SFSWAP: variants seen among roughly 807,000 people sequenced by gnomAD.
The protein encoded by SFSWAP is splicing factor, suppressor of white-apricot homolog.
In SFSWAP, 17 loss-of-function variants were observed where a neutral mutation model predicts 100.7. That is an observed-to-expected ratio of 0.17 (90% CI 0.12 to 0.25). The LOEUF is 0.25. Among genes scored for constraint, SFSWAP ranks in the 10% least tolerant of loss-of-function variants. The pLI, the probability that SFSWAP is intolerant of heterozygous loss-of-function variation, is 1.00. For missense variants in SFSWAP, 1,005 were observed against 1,262.6 expected (o/e 0.80, Z 3.09); for synonymous variants, 504 against 510.1 (o/e 0.99, Z 0.16).
At position 131,775,164 on chromosome 12, in the gene SFSWAP, G is replaced by A. The variant is rs559269133; in HGVS notation, c.2143-2901G>A. On this transcript the variant is annotated intron_variant, in intron 13 of 17. Transcript: ENST00000261674. ...CCAAATTAGTGCAGTGATTTTGTGA[G>A]CGTGGAGAGAGTAAATGAGGAGAGT... Among the ~76,000 whole-genome samples the A allele has an allele frequency of 1.3e-4, 20 of 152,324 alleles. 1 individual carries two copies. The South Asian group carries it at 4.1e-3, about 32-fold the overall frequency.
chr12:131,751,570 T>C (rs1316654934), intron 7 of SFSWAP, among the ~76,000 whole-genome samples: 1 of 152,270 alleles, frequency 6.6e-6, no homozygotes, highest in East Asian at 1.9e-4. Context: ...GCCTGATGGC[T>C]CCAGCAGGGA....
intron 11 of SFSWAP, 87 bp downstream of exon 11, chr12:131,756,731 T>C (rs1882210049): frequency 1.6e-6 from 2 of 1,234,180 alleles, no homozygotes; most frequent in Admixed American, 2.9e-5. Context: ...CTCAGCGCCC[T>C]CACCTGCAGG....
intron 4 of SFSWAP, 39 bp downstream of exon 4, chr12:131,719,578 A>T: frequency 6.9e-7 from 1 of 1,440,670 alleles, no homozygotes; most frequent in Non-Finnish European, 9.8e-7. Context: ...CGTCATTATT[A>T]TTTATCATAA....
chr12:131,728,526 A>G (rs1411512606), intron 7 of SFSWAP, 98 bp downstream of exon 7: 12 of 1,365,476 alleles, frequency 8.8e-6, no homozygotes, highest in Non-Finnish European at 1.2e-5. Context: ...CTCCAAGTGT[A>G]ACAAGTATGG....
intron 17 of SFSWAP, 42 bp from the exon 18 acceptor site, chr12:131,799,381 C>A: frequency 6.3e-7 from 1 of 1,595,622 alleles, no homozygotes; most frequent in Non-Finnish European, 8.6e-7. Flanking sequence ...GGTTGTCTGG[C>A]CAGGTCTTCA....
chr12:131,728,648 A>G (rs1879216951), intron 7 of SFSWAP, among the ~76,000 whole-genome samples: 1 of 151,456 alleles, frequency 6.6e-6, no homozygotes, highest in Non-Finnish European at 1.5e-5. Context: ...TTAGCTGTGC[A>G]TTCCAGGAAG....
At chr12:131,716,034 A>G (rs1566000442) in intron 3 of SFSWAP, among the ~76,000 whole-genome samples, 1 of 152,208 alleles carries the variant, frequency 6.6e-6, no homozygotes. Context: ...TGAAGCAATT[A>G]TAGCACTTTA....
chr12:131,759,566 G>C (rs1018586975), intron 11 of SFSWAP, among the ~76,000 whole-genome samples: 2 of 152,032 alleles, frequency 1.3e-5, no homozygotes, highest in Non-Finnish European at 2.9e-5. Flanking sequence ...TTGGGAGGCC[G>C]AGGCGGGTGG....
At chr12:131,779,642 T>C (rs569277461) in intron 14 of SFSWAP, among the ~76,000 whole-genome samples, 2 of 152,346 alleles carry the variant, frequency 1.3e-5, no homozygotes, top group Admixed American at 6.5e-5. Flanking sequence ...TCTTCTGGAA[T>C]TGGTGTTAGC....
At position 131,764,512 on chromosome 12, in the gene SFSWAP, C is replaced by T. The variant is rs1445931886; in HGVS notation, c.1777C>T (p.Leu593=). 6.2e-7 allele frequency: 1 copy of T among 1,614,186 alleles called. No individual in the cohort carries two copies. The highest frequency in any genetic ancestry group is 1.7e-5 in the Admixed American group (1 of 60,016). The change falls in exon 12 of 18, where the codon CTG becomes TTG. Residue 593 remains leucine (L), a synonymous_variant. Coordinates refer to ENST00000261674, the MANE Select transcript of SFSWAP (RefSeq NM_004592.4). Reference sequence around the variant, plus strand: ...GGCCAAAGAAAATGATCTGCTTCCCCTGGAAAAAAATCGTGTTAAGCTAGA... The same window carrying T: ...GGCCAAAGAAAATGATCTGCTTCCCTTGGAAAAAAATCGTGTTAAGCTAGA... ...IKAKENDLLP[L]EKNRVKLDDD... is the part of the protein sequence containing the mutation.
At position 131,794,617 on chromosome 12, in the gene SFSWAP, G is replaced by A. The variant is rs542695051; in HGVS notation, c.2535-2561G>A. ...GTTTGTCTACATAGAGCTTTAAGCT[G>A]TGTCCTAGAAACCAGAGCAGTGGGG... On this transcript the variant is annotated intron_variant, in intron 15 of 17. Transcript: ENST00000261674. This position sits in a 1 kb window ranked among gnomAD's most constrained non-coding sequence, Gnocchi z 4.8. Among the ~76,000 whole-genome samples the A allele has an allele frequency of 1.3e-5, 2 of 152,324 alleles. No homozygotes were observed. The highest frequency in any genetic ancestry group is 3.9e-4 in the East Asian group (2 of 5,190).
intron 13 of SFSWAP, among the ~76,000 whole-genome samples, chr12:131,769,385 A>G (rs1039472095): frequency 6.6e-6 from 1 of 152,186 alleles, no homozygotes; most frequent in African/African-American, 2.4e-5. Flanking sequence ...TGCAGCGGGT[A>G]AAGGGGTTAA....
rs1879785229 is a variant in SFSWAP, at chr12:131,734,191, C to T, written c.1081+5763C>T. Reference sequence around the variant, plus strand: ...GAGCGTGTTCATCGCTGGCTCCTGCCGCCCTCGAGGACTTGAAGGCTGACG... The same window carrying T: ...GAGCGTGTTCATCGCTGGCTCCTGCTGCCCTCGAGGACTTGAAGGCTGACG... On this transcript the variant is annotated intron_variant, in intron 7 of 17. Coordinates refer to ENST00000261674, the MANE Select transcript of SFSWAP (RefSeq NM_004592.4). This position sits in a 1 kb window ranked among gnomAD's most constrained non-coding sequence, Gnocchi z 4.9. Among the ~76,000 whole-genome samples the T allele has an allele frequency of 2.0e-5, 3 of 152,208 alleles. No individual in the cohort carries two copies. Among genetic ancestry groups the T allele is most frequent in the Non-Finnish European group, 4.4e-5 (3 of 68,032 alleles).
chr12:131,722,976 T>G (rs1479908274), intron 4 of SFSWAP, among the ~76,000 whole-genome samples: 1 of 152,022 alleles, frequency 6.6e-6, no homozygotes, highest in Non-Finnish European at 1.5e-5. Flanking sequence ...AAAATAACTC[T>G]ATGAAGCAAA....
intron 7 of SFSWAP, among the ~76,000 whole-genome samples, chr12:131,743,848 C>T (rs1466449053): frequency 1.3e-5 from 2 of 152,258 alleles, no homozygotes; most frequent in Non-Finnish European, 2.9e-5. Flanking sequence ...TCCATACATC[C>T]TGTGAAATCT....
chr12:131,764,316 T>TC (rs1243051645), intron 11 of SFSWAP, 140 bp from the exon 12 acceptor site: 2 of 665,078 alleles, frequency 3.0e-6, no homozygotes, highest in Non-Finnish European at 5.2e-6. Flanking sequence ...CGGCACGGCG[T>TC]CCCCCACCGT....
At chr12:131,769,759 T>TGAGGC (rs1883431567) in intron 13 of SFSWAP, among the ~76,000 whole-genome samples, 1 of 152,192 alleles carries the variant, frequency 6.6e-6, no homozygotes, top group African/African-American at 2.4e-5. Flanking sequence ...CCCGAGTAGC[T>TGAGGC]GGGACTACAG....
At chr12:131,756,174 A>G (rs2136227417) in intron 10 of SFSWAP, among the ~76,000 whole-genome samples, 1 of 152,374 alleles carries the variant, frequency 6.6e-6, no homozygotes, top group Non-Finnish European at 1.5e-5. Flanking sequence ...GTATTTTTAA[A>G]GAATTCTGAG....
intron 13 of SFSWAP, among the ~76,000 whole-genome samples, chr12:131,774,034 C>G (rs1883817891): frequency 6.6e-6 from 1 of 152,172 alleles, no homozygotes; most frequent in African/African-American, 2.4e-5. Flanking sequence ...AATGGGAGGC[C>G]AGTTGTGGAG....
Sources: gnomAD v4.1 joint callset for allele counts (sites outside exome capture counted in the v4.1 genomes callset) on GRCh38, gnomAD v4.1.1 for gene constraint, Gnocchi (gnomAD v3.1) non-coding constraint, MANE v1.5 for transcripts, NCBI Gene and HGNC (gene_info 2026-07-23, HGNC 2026-07-21) for gene names.